The following TNFRSF9 variants were observed in gnomAD, a reference collection of about 807,000 sequenced individuals.
TNFRSF9 encodes the protein TNF receptor superfamily member 9, also known as tumor necrosis factor receptor superfamily member 9.
In TNFRSF9, 16 loss-of-function variants were observed where a neutral mutation model predicts 28.8. The ratio of observed to expected loss-of-function variants is 0.55; its 90% CI spans 0.38 to 0.84. The LOEUF (loss-of-function observed/expected upper bound fraction) is 0.84. TNFRSF9 is among the 40% of genes least tolerant of loss of function. The pLI is 0.00. For synonymous variants in TNFRSF9, 131 were observed against 117.0 expected, an observed-to-expected ratio of 1.12 and a Z score of -0.77; for missense variants, 303 against 315.0, an observed-to-expected ratio of 0.96 and a Z score of 0.29.
In TNFRSF9 at chr1:7,933,282, T is replaced by A; in HGVS notation, c.559A>T (p.Ile187Phe). The stretch of plus-strand genomic sequence containing the variant: ...GTCAGCGCAAGAAAGAAGGAGATGA[T>A]CTGCGGAGAGTGTCCTGCAAAACAC... ...PAREPGHSPQ[I>F]ISFFLALTST... The change falls in exon 7 of 8, where the codon ATC becomes TTC. Residue 187 changes from isoleucine to phenylalanine, a missense_variant. Physicochemically the swap from Ile to Phe is conservative, Grantham distance 21. Coordinates refer to ENST00000377507, the MANE Select transcript of TNFRSF9 (RefSeq NM_001561.6). 6.2e-7 allele frequency: 1 copy of A among 1,613,302 alleles called. No homozygotes were observed.
At chr1:7,933,080 A>G (rs1639757903) in intron 7 of TNFRSF9, 82 bp downstream of exon 7, 1 of 1,496,740 alleles carries the variant, frequency 6.7e-7, no homozygotes, top group African/African-American at 1.4e-5. Context: ...CATTTCTAGA[A>G]TTTTTTTTAA....
intron 2 of TNFRSF9, among the ~76,000 whole-genome samples, 153 bp downstream of exon 2, chr1:7,939,742 A>G (rs2151420643): frequency 6.6e-6 from 1 of 152,356 alleles, no homozygotes; most frequent in Admixed American, 6.5e-5. Flanking sequence ...CTGTGTTCAC[A>G]CAGCTAGGTT....
At position 7,919,557 on chromosome 1, in the gene TNFRSF9, T is replaced by G. The variant is rs1639527858; in HGVS notation, c.*1278A>C. ...TATCCTTAGATCATAAGCCAAACAA[T>G]GGCAGGCATGCCAGGTTTGCACCTG... On this transcript the variant is annotated 3_prime_UTR_variant, in exon 8 of 8. Transcript: ENST00000377507. 6.6e-6 allele frequency: 1 copy of G among 152,198 alleles called. No individual in the cohort carries two copies. The highest frequency in any genetic ancestry group is 1.5e-5 in the Non-Finnish European group (1 of 68,038). The allele number at this position is 152,198 out of a possible 1,614,324, so 9.4% of individuals were successfully genotyped here.
chr1:7,930,252 G>T (rs1639714324), intron 7 of TNFRSF9, among the ~76,000 whole-genome samples: 1 of 152,128 alleles, frequency 6.6e-6, no homozygotes. Context: ...ACAGGCGTGA[G>T]CCACAGCGCC....
intron 7 of TNFRSF9, among the ~76,000 whole-genome samples, chr1:7,924,873 G>A (rs2151412995): frequency 6.6e-6 from 1 of 152,014 alleles, no homozygotes; most frequent in East Asian, 1.9e-4. Context: ...AGTTTAAAAA[G>A]TAAAAAGCAA....
chr1:7,922,430 T>C (rs1304844868), intron 7 of TNFRSF9, among the ~76,000 whole-genome samples: 2 of 152,162 alleles, frequency 1.3e-5, no homozygotes, highest in Non-Finnish European at 2.9e-5. Context: ...AACATGGCAA[T>C]GGGTTTCTTT....
intron 7 of TNFRSF9, among the ~76,000 whole-genome samples, chr1:7,925,731 G>A (rs1044119695): frequency 1.2e-4 from 18 of 152,158 alleles, no homozygotes; most frequent in South Asian, 2.1e-4. Context: ...CATAAGGAGC[G>A]TGCAACCTCG....
Position 7,919,262 on chromosome 1 carries a change from C to A in TNFRSF9, c.*1573G>T, listed in dbSNP as rs758490350. The A allele has an allele frequency of 6.6e-6, 1 of 152,152 alleles. No homozygotes were observed. Among genetic ancestry groups the A allele is most frequent in the East Asian group, 1.9e-4 (1 of 5,180 alleles). 9.4% of individuals were successfully genotyped at this position (152,152 alleles called of 1,614,324 possible). A position where few individuals can be genotyped will look rare whatever the true frequency, so the allele number is the denominator to read the frequency against. On this transcript the variant is annotated 3_prime_UTR_variant, in exon 8 of 8. Transcript: ENST00000377507. ...GTGGCTCATGCCTGTAATCCCAGCA[C>A]TTTGGGAGGCAGAGGTGGGCAGATC...
At chr1:7,939,845 C>T in intron 2 of TNFRSF9, 50 bp downstream of exon 2, 1 of 1,437,258 alleles carries the variant, frequency 7.0e-7, no homozygotes. Context: ...ACTAACTGAA[C>T]CATACTTCCA....
At chr1:7,928,479 A>G (rs989307149) in intron 7 of TNFRSF9, among the ~76,000 whole-genome samples, 1 of 152,254 alleles carries the variant, frequency 6.6e-6, no homozygotes, top group African/African-American at 2.4e-5. Flanking sequence ...TAACCATTGA[A>G]ACACACAGCA....
At position 7,920,592 on chromosome 1, in the gene TNFRSF9, A is replaced by C. The variant is rs1639542457; in HGVS notation, c.*243T>G. 2.4e-6 allele frequency: 1 copy of C among 423,420 alleles called. No individual in the cohort carries two copies. 26.2% of individuals were successfully genotyped at this position (423,420 alleles called of 1,614,324 possible). ...TTGAGCTCCCAGAGGTCAAGGCTGC[A>C]GAGAGCCATGGTGGTGCCACTGCAC... is the stretch of plus-strand genomic sequence containing the variant. On this transcript the variant is annotated 3_prime_UTR_variant, in exon 8 of 8. Transcript: ENST00000377507.
At chr1:7,921,390 G>A (rs982974510) in intron 7 of TNFRSF9, among the ~76,000 whole-genome samples, 4 of 136,414 alleles carry the variant, frequency 2.9e-5, no homozygotes, top group African/African-American at 5.3e-5. Context: ...AAAACAGGCC[G>A]GGCGCAGTGG....
intron 7 of TNFRSF9, chr1:7,922,001 A>C (rs561325472): frequency 2.0e-5 from 3 of 152,204 alleles, no homozygotes; most frequent in Non-Finnish European, 4.4e-5. Context: ...AGGATTGTGA[A>C]GGTATCCCCA....
intron 7 of TNFRSF9, among the ~76,000 whole-genome samples, chr1:7,927,783 G>A (rs1310519507): frequency 6.6e-6 from 1 of 150,778 alleles, no homozygotes. Context: ...AGAATTCTTA[G>A]ACATGACTCC....
Position 7,940,521 on chromosome 1 carries a change from T to TACTAACATG in TNFRSF9, c.-85+254_-85+262dup, listed in dbSNP as rs532811951. Among the ~76,000 whole-genome samples, 7 of 152,294 alleles carry TACTAACATG rather than the reference T, an allele frequency of 4.6e-5. No homozygotes were observed. The East Asian group carries it at 1.3e-3, about 29-fold the overall frequency. On this transcript the variant is annotated intron_variant, in intron 1 of 7. Coordinates refer to ENST00000377507, the MANE Select transcript of TNFRSF9 (RefSeq NM_001561.6). Reference sequence around the variant, plus strand: ...TTCCCCCTTTAGCTGAACACCTAACTACTAACATGTGGAAAGACCTCCCTG... The same window carrying TACTAACATG: ...TTCCCCCTTTAGCTGAACACCTAACTACTAACATGACTAACATGTGGAAAGACCTCCCTG...
At position 7,940,816 on chromosome 1, in the gene TNFRSF9, A is replaced by C. The variant is rs998651146; in HGVS notation, c.-117T>G. 2 of 151,940 alleles carry C rather than the reference A, an allele frequency of 1.3e-5. No homozygotes were observed. The highest frequency in any genetic ancestry group is 2.9e-5 in the Non-Finnish European group (2 of 67,984). 9.4% of individuals were successfully genotyped at this position (151,940 alleles called of 1,614,324 possible). On this transcript the variant is annotated 5_prime_UTR_variant, in exon 1 of 8. Transcript: ENST00000377507. ...TCTCAGGGCTGCCGGAGAACTTTCC[A>C]CTCCTTGGTCTTCAGGCTTCTGCAG...
intron 3 of TNFRSF9, 22 bp from the exon 4 acceptor site, chr1:7,938,352 C>T: frequency 6.4e-7 from 1 of 1,573,486 alleles, no homozygotes; most frequent in Non-Finnish European, 8.6e-7. Context: ...CCCCAGCCCC[C>T]AACATTTTAT....
intron 7 of TNFRSF9, among the ~76,000 whole-genome samples, chr1:7,931,232 A>G (rs1291633881): frequency 3.3e-5 from 5 of 152,246 alleles, no homozygotes; most frequent in African/African-American, 1.2e-4. Flanking sequence ...ACCAAGATAC[A>G]CATGTTCCTT....
chr1:7,924,294 C>CATATGTGTATAT (rs1238435280), intron 7 of TNFRSF9, among the ~76,000 whole-genome samples: 1 of 129,996 alleles, frequency 7.7e-6, no homozygotes, highest in African/African-American at 2.9e-5. Context: ...TAGTATATTC[C>CATATGTGTATAT]ATATATATAT....
Sources: allele counts gnomAD v4.1 joint callset (sites outside exome capture counted in the v4.1 genomes callset), GRCh38; gene constraint gnomAD v4.1.1; transcripts MANE v1.5; gene names NCBI Gene and HGNC (gene_info 2026-07-23, HGNC 2026-07-21).